Variants in CYP39A1 observed in about 807,000 individuals in gnomAD.
CYP39A1 encodes 24-hydroxycholesterol 7-alpha-hydroxylase.
CYP39A1 carries 49 observed loss-of-function variants against 58.1 expected under a neutral mutation model. The observed-to-expected ratio is 0.84, with a 90% CI of 0.67 to 1.07. The LOEUF is 1.07. Among genes scored for constraint, CYP39A1 ranks in the 50% least tolerant of loss-of-function variants. The probability of loss-of-function intolerance (pLI) is 0.00; values close to 1 mark genes in which losing one functional copy is unlikely to be tolerated. For missense variants in CYP39A1, 531 were observed against 539.4 expected, an observed-to-expected ratio of 0.98 and a Z score of 0.16; for synonymous variants, 209 against 187.6, an observed-to-expected ratio of 1.11 and a Z score of -0.93.
At chr6:46,648,858 C>A (rs536684528) in intron 1 of CYP39A1, among the ~76,000 whole-genome samples, 1 of 151,672 alleles carries the variant, frequency 6.6e-6, no homozygotes, top group East Asian at 1.9e-4. Flanking sequence ...CAAATAGATA[C>A]TTGTAGATAG....
chr6:46,558,410 G>C (rs369746787), intron 10 of CYP39A1, among the ~76,000 whole-genome samples: 172 of 152,182 alleles, frequency 1.1e-3, no homozygotes, highest in African/African-American at 3.9e-3. Context: ...AGCAAAGGGG[G>C]AAGTGCCACA....
chr6:46,646,839 T>A (rs2150607913), intron 1 of CYP39A1, among the ~76,000 whole-genome samples: 1 of 152,194 alleles, frequency 6.6e-6, no homozygotes, highest in African/African-American at 2.4e-5. Flanking sequence ...TAAATTTATG[T>A]TTGTAGAGTT....
intron 10 of CYP39A1, among the ~76,000 whole-genome samples, chr6:46,556,930 T>C (rs1391651678): frequency 4.6e-5 from 7 of 151,782 alleles, no homozygotes; most frequent in African/African-American, 1.2e-4. Context: ...AAATGACAGA[T>C]ATTAAAAATA....
intron 7 of CYP39A1, among the ~76,000 whole-genome samples, chr6:46,618,309 G>A (rs1349531601): frequency 1.3e-5 from 2 of 152,110 alleles, no homozygotes; most frequent in Non-Finnish European, 2.9e-5. Flanking sequence ...CCATTAATAA[G>A]TGTCTCCACC....
chr6:46,644,761 A>C (rs1261218747), intron 1 of CYP39A1, among the ~76,000 whole-genome samples: 1 of 152,144 alleles, frequency 6.6e-6, no homozygotes, highest in Non-Finnish European at 1.5e-5. Context: ...TATTTCCACC[A>C]TATGTATAAG....
intron 5 of CYP39A1, among the ~76,000 whole-genome samples, chr6:46,634,369 G>A (rs528427105): frequency 3.3e-5 from 5 of 152,120 alleles, no homozygotes; most frequent in Non-Finnish European, 5.9e-5. Context: ...GCCCAGTCTC[G>A]GGTATGTCTT....
chr6:46,608,109 A>G (rs1389821219), intron 7 of CYP39A1, among the ~76,000 whole-genome samples: 4 of 152,258 alleles, frequency 2.6e-5, no homozygotes, highest in African/African-American at 4.8e-5. Flanking sequence ...TCTACTCTTC[A>G]AATTTTACAA....
chr6:46,607,293 G>C (rs1430878446), intron 7 of CYP39A1, among the ~76,000 whole-genome samples: 1 of 151,902 alleles, frequency 6.6e-6, no homozygotes, highest in Non-Finnish European at 1.5e-5. Context: ...ACTAAGCCTG[G>C]AAGGATGGGT....
At chr6:46,625,589 A>AT (rs1358997792) in intron 6 of CYP39A1, 81 bp from the exon 7 acceptor site, 1 of 988,312 alleles carries the variant, frequency 1.0e-6, no homozygotes, top group African/African-American at 1.6e-5. Context: ...CCATACATAT[A>AT]TTTTTTAAAA....
chr6:46,576,433 A>G (rs1459074736), intron 10 of CYP39A1, among the ~76,000 whole-genome samples: 2 of 152,332 alleles, frequency 1.3e-5, no homozygotes, highest in East Asian at 3.9e-4. Context: ...GCAACTCTGA[A>G]AGCCAGAGCA....
At chr6:46,642,059 C>T in intron 2 of CYP39A1, 104 bp downstream of exon 2, 2 of 1,194,388 alleles carry the variant, frequency 1.7e-6, no homozygotes, top group Non-Finnish European at 1.2e-6. Flanking sequence ...AAATAATGGA[C>T]CCTCATCATT....
At chr6:46,607,695 G>T (rs1327177226) in intron 7 of CYP39A1, among the ~76,000 whole-genome samples, 3 of 152,112 alleles carry the variant, frequency 2.0e-5, no homozygotes, top group Non-Finnish European at 4.4e-5. Context: ...ACCAGAAGGT[G>T]GGGTTGCAAA....
intron 2 of CYP39A1, 70 bp downstream of exon 2, chr6:46,642,093 A>G (rs1489404943): frequency 5.3e-6 from 8 of 1,522,440 alleles, no homozygotes; most frequent in Non-Finnish European, 6.4e-6. Context: ...TGAGGATGTA[A>G]TTTTTACCTA....
At chr6:46,635,949 C>T (rs550876009) in intron 5 of CYP39A1, among the ~76,000 whole-genome samples, 4 of 152,272 alleles carry the variant, frequency 2.6e-5, no homozygotes, top group Non-Finnish European at 2.9e-5. Context: ...TCTGGAATAA[C>T]GCTTAGGGCA....
Position 46,586,571 on chromosome 6 carries a change from A to G in CYP39A1, c.1250+506T>C, listed in dbSNP as rs1772483756. The G allele has an allele frequency of 3.0e-6, 3 of 986,096 alleles. No homozygotes were observed. The South Asian group carries it at 1.4e-4, about 46-fold the overall frequency. The allele number at this position is 986,096 out of a possible 1,614,324, so 61.1% of individuals were successfully genotyped here. On this transcript the variant is annotated intron_variant, in intron 10 of 11. Transcript: ENST00000275016. Reference sequence around the variant, plus strand: ...ATTAGAACAGGGTATCACACTGAGGAGGAGGGCTGGGTGCCAGATTAATTT... The same window carrying G: ...ATTAGAACAGGGTATCACACTGAGGGGGAGGGCTGGGTGCCAGATTAATTT...
intron 10 of CYP39A1, chr6:46,583,198 C>A: frequency 2.0e-6 from 2 of 985,372 alleles, no homozygotes; most frequent in Non-Finnish European, 2.4e-6. Flanking sequence ...CTCTTCTTAT[C>A]CAAGCATGCC....
rs527718071 is a variant in CYP39A1 at position 46,560,559 on chromosome 6, G to A, written c.1251-6705C>T. Among the ~76,000 whole-genome samples the A allele has an allele frequency of 2.6e-5, 4 of 152,272 alleles. No individual in the cohort carries two copies. The South Asian group carries it at 8.3e-4, about 32-fold the overall frequency. On this transcript the variant is annotated intron_variant, in intron 10 of 11. Coordinates refer to ENST00000275016, the MANE Select transcript of CYP39A1 (RefSeq NM_016593.5). ...TGAGGGAATTGTAATCTGGAGCTCA[G>A]TTTTGGACTTAAGTACAGCTCTCTA...
chr6:46,628,988 T>C (rs1775490002), intron 6 of CYP39A1, among the ~76,000 whole-genome samples: 1 of 152,194 alleles, frequency 6.6e-6, no homozygotes, highest in Admixed American at 6.5e-5. Flanking sequence ...AAGGTAGGTA[T>C]AGCATTAATC....
At chr6:46,618,050 CAA>C (rs1774719744) in intron 7 of CYP39A1, among the ~76,000 whole-genome samples, 2 of 152,048 alleles carry the variant, frequency 1.3e-5, no homozygotes, top group Non-Finnish European at 2.9e-5. Context: ...TAGAAAAACT[CAA>C]AGTTACAACA....
Sources: gnomAD v4.1 joint callset for allele counts (sites outside exome capture counted in the v4.1 genomes callset) on GRCh38, gnomAD v4.1.1 for gene constraint, MANE v1.5 for transcripts, NCBI Gene and HGNC (gene_info 2026-07-23, HGNC 2026-07-21) for gene names.